The following B3GALT1 variants were observed in gnomAD, a reference collection of about 807,000 sequenced individuals.
The protein encoded by B3GALT1 is UDP-Gal:betaGlcNAc beta 1,3-galactosyltransferase, polypeptide 1.
Under a neutral mutation model 23.2 loss-of-function variants are expected in B3GALT1, and 10 were observed. That is an observed-to-expected ratio of 0.43 (90% CI 0.27 to 0.73). The LOEUF (loss-of-function observed/expected upper bound fraction) is 0.73. B3GALT1 is among the 30% of genes least tolerant of loss of function. The probability of loss-of-function intolerance (pLI) is 0.21; values close to 1 mark genes in which losing one functional copy is unlikely to be tolerated. For missense variants in B3GALT1, 299 were observed against 405.4 expected (o/e 0.74, Z 2.25); for synonymous variants, 156 against 141.5 (o/e 1.10, Z -0.73).
At chr2:167,813,995 G>A (rs1207586161) in intron 3 of B3GALT1, among the ~76,000 whole-genome samples, 1 of 152,080 alleles carries the variant, frequency 6.6e-6, no homozygotes, top group Admixed American at 6.6e-5. Flanking sequence ...TAAACTGGCT[G>A]CAAAAATCTT....
At chr2:167,423,415 T>C (rs1055404320) in intron 1 of B3GALT1, among the ~76,000 whole-genome samples, 1 of 152,170 alleles carries the variant, frequency 6.6e-6, no homozygotes, top group African/African-American at 2.4e-5. Context: ...AGGGCCTTGG[T>C]GAGAAAGAAT....
intron 2 of B3GALT1, among the ~76,000 whole-genome samples, chr2:167,533,959 T>A (rs1683372897): frequency 1.3e-5 from 2 of 152,148 alleles, no homozygotes; most frequent in Non-Finnish European, 2.9e-5. Context: ...GAAAATGATA[T>A]TCTACTGTCT....
chr2:167,488,890 C>T (rs1574100346), intron 1 of B3GALT1, among the ~76,000 whole-genome samples: 1 of 151,642 alleles, frequency 6.6e-6, no homozygotes, highest in South Asian at 2.1e-4. Context: ...TTCGATTTAT[C>T]CATAGATGTT....
Position 167,359,089 on chromosome 2 carries a change from C to T in B3GALT1, c.-511+65755C>T, listed in dbSNP as rs534611464. On this transcript the variant is annotated intron_variant, in intron 1 of 4. Transcript: ENST00000392690. Reference sequence around the variant, plus strand: ...TGCTGGGATTACAGGCGTGAGCCACCGCGCCTGGCCAAGCAAAAGTTATTT... The same window carrying T: ...TGCTGGGATTACAGGCGTGAGCCACTGCGCCTGGCCAAGCAAAAGTTATTT... Among the ~76,000 whole-genome samples, 15 of 152,190 alleles carry T rather than the reference C, an allele frequency of 9.9e-5. No individual in the cohort carries two copies. In the South Asian group the frequency reaches 2.1e-3, roughly 21 times the overall value.
chr2:167,465,291 G>C (rs1006862850), intron 1 of B3GALT1, among the ~76,000 whole-genome samples: 2 of 152,138 alleles, frequency 1.3e-5, no homozygotes, highest in Admixed American at 6.5e-5. Flanking sequence ...TTTTAACATT[G>C]CATAAAGTGT....
chr2:167,440,150 T>C (rs886230619), intron 1 of B3GALT1, among the ~76,000 whole-genome samples: 1 of 151,880 alleles, frequency 6.6e-6, no homozygotes, highest in South Asian at 2.1e-4. Flanking sequence ...AAGACCATCC[T>C]GGCTAACATG....
At chr2:167,477,057 T>C (rs1340825421) in intron 1 of B3GALT1, among the ~76,000 whole-genome samples, 1 of 152,220 alleles carries the variant, frequency 6.6e-6, no homozygotes, top group African/African-American at 2.4e-5. Flanking sequence ...CAAAGAATCC[T>C]AATGCGTAAC....
chr2:167,826,647 A>G (rs1488204357), intron 4 of B3GALT1, among the ~76,000 whole-genome samples: 1 of 152,204 alleles, frequency 6.6e-6, no homozygotes, highest in Non-Finnish European at 1.5e-5. Flanking sequence ...AGAGTCAGGG[A>G]TGTTTATGGC....
At chr2:167,441,680 T>G (rs1421621607) in intron 1 of B3GALT1, among the ~76,000 whole-genome samples, 1 of 152,174 alleles carries the variant, frequency 6.6e-6, no homozygotes, top group Non-Finnish European at 1.5e-5. Flanking sequence ...TATATTCAGA[T>G]GCTCTCTGGT....
intron 1 of B3GALT1, among the ~76,000 whole-genome samples, chr2:167,408,055 CACACACACACACACACAG>C (rs1698330612): frequency 6.8e-6 from 1 of 146,864 alleles, no homozygotes; most frequent in African/African-American, 2.6e-5. Flanking sequence ...CACACACACA[CACACACACACACACACAG>C]ACACACAAAA....
At chr2:167,651,825 G>T (rs1457562694) in intron 3 of B3GALT1, among the ~76,000 whole-genome samples, 2 of 152,100 alleles carry the variant, frequency 1.3e-5, no homozygotes, top group Non-Finnish European at 2.9e-5. Context: ...CTAGAGTTCT[G>T]CTCCCTGGGA....
chr2:167,831,061 T>C (rs1558994569), intron 4 of B3GALT1, among the ~76,000 whole-genome samples: 1 of 152,358 alleles, frequency 6.6e-6, no homozygotes, highest in African/African-American at 2.4e-5. Flanking sequence ...GTTATTACTA[T>C]CAATAACTGT....
chr2:167,516,794 G>A (rs953646476), intron 2 of B3GALT1, among the ~76,000 whole-genome samples: 2 of 151,764 alleles, frequency 1.3e-5, no homozygotes, highest in African/African-American at 4.8e-5. Context: ...CACATGTAAT[G>A]CTGCAGCCAT....
chr2:167,378,988 T>C (rs1054211341), intron 1 of B3GALT1, among the ~76,000 whole-genome samples: 1 of 152,308 alleles, frequency 6.6e-6, no homozygotes, highest in African/African-American at 2.4e-5. Context: ...ACAGGATTTT[T>C]TTCTTTCTTC....
At chr2:167,444,125 T>C (rs1460127773) in intron 1 of B3GALT1, among the ~76,000 whole-genome samples, 8 of 152,234 alleles carry the variant, frequency 5.3e-5, no homozygotes, top group Non-Finnish European at 4.4e-5. Context: ...ATTGAGATAA[T>C]CATGTGGTTT....
At chr2:167,779,612 A>G (rs1688215328) in intron 3 of B3GALT1, among the ~76,000 whole-genome samples, 1 of 152,210 alleles carries the variant, frequency 6.6e-6, no homozygotes, top group Non-Finnish European at 1.5e-5. Context: ...AATACAAATC[A>G]AGATGCATGC....
At chr2:167,352,803 C>T (rs1261856197) in intron 1 of B3GALT1, among the ~76,000 whole-genome samples, 2 of 152,086 alleles carry the variant, frequency 1.3e-5, no homozygotes, top group Admixed American at 6.6e-5. Flanking sequence ...CACTCAGTAA[C>T]CTGAAAGAGT....
chr2:167,713,096 A>G (rs2105520104), intron 3 of B3GALT1, among the ~76,000 whole-genome samples: 2 of 152,328 alleles, frequency 1.3e-5, no homozygotes, highest in Middle Eastern at 6.8e-3. Flanking sequence ...AACTGAGTGC[A>G]TCTCAAAATT....
intron 3 of B3GALT1, among the ~76,000 whole-genome samples, chr2:167,660,789 A>C (rs1272777009): frequency 6.6e-6 from 1 of 152,100 alleles, no homozygotes; most frequent in Non-Finnish European, 1.5e-5. Flanking sequence ...TTTTCACATA[A>C]CTATAGGTTG....
Sources: allele counts gnomAD v4.1 joint callset (sites outside exome capture counted in the v4.1 genomes callset), GRCh38; gene constraint gnomAD v4.1.1; transcripts MANE v1.5; gene names NCBI Gene and HGNC (gene_info 2026-07-23, HGNC 2026-07-21).